The following SEMA6D variants were observed in gnomAD, a reference collection of about 807,000 sequenced individuals.
SEMA6D encodes semaphorin 6D, also known as semaphorin-6D.
In SEMA6D, 35 loss-of-function variants were observed where a neutral mutation model predicts 106.6. That is an observed-to-expected ratio of 0.33 (90% CI 0.25 to 0.44). SEMA6D has a LOEUF of 0.44. SEMA6D is among the 20% of genes least tolerant of loss of function. The pLI is 1.00. For synonymous variants in SEMA6D, 499 were observed against 487.7 expected, an observed-to-expected ratio of 1.02 and a Z score of -0.31; for missense variants, 1,185 against 1,345.9, an observed-to-expected ratio of 0.88 and a Z score of 1.87.
At chr15:47,590,391 G>C (rs561204272) in intron 3 of SEMA6D, among the ~76,000 whole-genome samples, 9 of 148,540 alleles carry the variant, frequency 6.1e-5, no homozygotes, top group Non-Finnish European at 1.3e-4. Context: ...GGGGTGGGGG[G>C]CTGGGGGAAG....
chr15:47,726,098 G>A (rs1412076275), intron 1 of SEMA6D, among the ~76,000 whole-genome samples: 4 of 152,236 alleles, frequency 2.6e-5, no homozygotes, highest in East Asian at 1.9e-4. Flanking sequence ...TTGTTGAAGC[G>A]AAGGGCAAGC....
chr15:47,284,978 C>G (rs746912237), intron 1 of SEMA6D, among the ~76,000 whole-genome samples: 1 of 152,180 alleles, frequency 6.6e-6, no homozygotes, highest in Non-Finnish European at 1.5e-5. Flanking sequence ...CACGTCAGCT[C>G]TGCCTCAGGG....
intron 1 of SEMA6D, among the ~76,000 whole-genome samples, chr15:47,722,497 T>C (rs2146359202): frequency 6.6e-6 from 1 of 152,298 alleles, no homozygotes; most frequent in Non-Finnish European, 1.5e-5. Flanking sequence ...CTCAATAAGA[T>C]ATCTGTTATA....
chr15:47,335,552 C>A (rs1479732823), intron 1 of SEMA6D, among the ~76,000 whole-genome samples: 1 of 151,976 alleles, frequency 6.6e-6, no homozygotes, highest in African/African-American at 2.4e-5. Flanking sequence ...GGATATTTGC[C>A]CCCTGAATAT....
In SEMA6D at chr15:47,760,333, C is replaced by G; in HGVS notation, c.139C>G (p.Arg47Gly). ...YSRQYPVFRG[R>G]PSGNESQHRL... ...AAGGCAATATCCGGTTTTTAGAGGA[C>G]GCCCTTCAGGCAATGAATCGCAGCA... is the stretch of plus-strand genomic sequence containing the variant. The change falls in exon 3 of 19, where the codon CGC becomes GGC. Residue 47 changes from arginine to glycine, a missense_variant. This residue lies in a region of SEMA6D where 144 missense variants were observed against 138.6 expected (regional missense o/e 1.04). Transcript: ENST00000536845. The G allele has an allele frequency of 1.2e-6, 2 of 1,613,492 alleles. No individual in the cohort carries two copies. The highest frequency in any genetic ancestry group is 1.7e-6 in the Non-Finnish European group (2 of 1,179,604).
At chr15:47,197,931 T>C (rs2141032424) in intron 1 of SEMA6D, among the ~76,000 whole-genome samples, 1 of 152,338 alleles carries the variant, frequency 6.6e-6, no homozygotes, top group African/African-American at 2.4e-5. Flanking sequence ...AATTTTTGGA[T>C]ATATTTAAAT....
At chr15:47,695,058 G>A (rs144362702) in intron 4 of SEMA6D, among the ~76,000 whole-genome samples, 77 of 152,258 alleles carry the variant, frequency 5.1e-4, no homozygotes, top group Middle Eastern at 6.8e-3. Flanking sequence ...TGCCCCCAGG[G>A]CTTAAGACCT....
At chr15:47,695,526 G>A (rs187988760) in intron 4 of SEMA6D, among the ~76,000 whole-genome samples, 31 of 151,810 alleles carry the variant, frequency 2.0e-4, no homozygotes, top group Admixed American at 1.8e-3. Flanking sequence ...ACACACACAC[G>A]AACACATGCA....
At chr15:47,615,793 C>CATTAA (rs2076996795) in intron 4 of SEMA6D, among the ~76,000 whole-genome samples, 1 of 152,148 alleles carries the variant, frequency 6.6e-6, no homozygotes, top group Non-Finnish European at 1.5e-5. Context: ...TGTCTCTTTG[C>CATTAA]GAAAGCATTT....
intron 1 of SEMA6D, among the ~76,000 whole-genome samples, chr15:47,254,331 G>GTATATATATATA (rs3050479): frequency 3.7e-4 from 51 of 139,256 alleles, no homozygotes; most frequent in African/African-American, 1.3e-3. Flanking sequence ...GTGTGTGTGT[G>GTATATATATATA]TATATATATA....
intron 3 of SEMA6D, among the ~76,000 whole-genome samples, chr15:47,524,043 G>C (rs916025570): frequency 9.9e-5 from 15 of 152,200 alleles, no homozygotes; most frequent in African/African-American, 3.6e-4. Flanking sequence ...TCAAGGAGAG[G>C]CGAGGGACGT....
intron 4 of SEMA6D, among the ~76,000 whole-genome samples, chr15:47,637,007 A>T (rs1006653813): frequency 3.9e-5 from 6 of 152,180 alleles, no homozygotes; most frequent in Non-Finnish European, 8.8e-5. Context: ...TGAAGCACTT[A>T]TGTGGACATA....
At chr15:47,294,166 C>A (rs12437793) in intron 1 of SEMA6D, among the ~76,000 whole-genome samples, 10,753 of 148,850 alleles carry the variant, frequency 0.072, 1,267 homozygotes, top group East Asian at 0.59. Flanking sequence ...GAAGGAAAAA[C>A]AAAAAAAAAG....
At chr15:47,322,821 G>A (rs1000869438) in intron 1 of SEMA6D, among the ~76,000 whole-genome samples, 58 of 152,006 alleles carry the variant, frequency 3.8e-4, no homozygotes, top group Non-Finnish European at 2.2e-4. Context: ...ATTTCCCTCG[G>A]ATGGCAATTA....
chr15:47,668,751 G>A (rs1309099064), intron 4 of SEMA6D, among the ~76,000 whole-genome samples: 2 of 152,016 alleles, frequency 1.3e-5, no homozygotes. Context: ...CTTGTACCTG[G>A]GGTTCTAACC....
At position 47,771,556 on chromosome 15, in the gene SEMA6D, G is replaced by C. The variant is rs2082629608; in HGVS notation, c.2993G>C (p.Gly998Ala). 6.2e-7 allele frequency: 1 copy of C among 1,613,986 alleles called. No homozygotes were observed. The highest frequency in any genetic ancestry group is 8.5e-7 in the Non-Finnish European group (1 of 1,179,986). ...TCCAGACAGCCTAGTATGAACCGTG[G>C]AGGATATATGCCCACCCCCACTGGG... Reference protein sequence around the residue: ...LLSRQPSMNRGGYMPTPTGAK... With the variant: ...LLSRQPSMNRAGYMPTPTGAK... Residue 998 changes from glycine (G) to alanine (A), a missense_variant, in exon 19 of 19, where the codon GGA becomes GCA. This residue lies in a region of SEMA6D where 750 missense variants were observed against 783.5 expected (regional missense o/e 0.96). Coordinates refer to ENST00000536845, the MANE Select transcript of SEMA6D (RefSeq NM_001358351.3).
At chr15:47,632,421 T>C (rs2077309025) in intron 4 of SEMA6D, among the ~76,000 whole-genome samples, 1 of 148,940 alleles carries the variant, frequency 6.7e-6, no homozygotes, top group Admixed American at 6.8e-5. Context: ...CCAGCTATAA[T>C]TGTGCATTTG....
intron 1 of SEMA6D, among the ~76,000 whole-genome samples, chr15:47,382,974 C>A (rs539087193): frequency 6.6e-6 from 1 of 152,316 alleles, no homozygotes; most frequent in South Asian, 2.1e-4. Context: ...CCATGTTGGC[C>A]AGGCTGGTCT....
chr15:47,611,389 A>T (rs1233498206), intron 4 of SEMA6D, among the ~76,000 whole-genome samples: 2 of 152,338 alleles, frequency 1.3e-5, no homozygotes, highest in Middle Eastern at 3.4e-3. Flanking sequence ...TACATTTTTT[A>T]AAAATGGGAA....
Sources: gnomAD v4.1 joint callset for allele counts (sites outside exome capture counted in the v4.1 genomes callset) on GRCh38, gnomAD v4.1.1 for gene constraint, gnomAD v4.1.1 regional missense constraint, MANE v1.5 for transcripts, NCBI Gene and HGNC (gene_info 2026-07-23, HGNC 2026-07-21) for gene names.